Variants in STPG2 observed in about 807,000 individuals in gnomAD.
STPG2 encodes sperm-tail PG-rich repeat-containing protein 2.
In STPG2, 56 loss-of-function variants were observed where a neutral mutation model predicts 54.2. The ratio of observed to expected loss-of-function variants is 1.03; its 90% confidence interval spans 0.83 to 1.29. The LOEUF (loss-of-function observed/expected upper bound fraction) is 1.29. Among genes scored for constraint, STPG2 ranks in the 50% most tolerant of loss-of-function variants. The probability of loss-of-function intolerance (pLI) is 0.00; values close to 1 mark genes in which losing one functional copy is unlikely to be tolerated. For synonymous variants in STPG2, 200 were observed against 181.8 expected, an observed-to-expected ratio of 1.10 and a Z score of -0.81; for missense variants, 596 against 544.9, an observed-to-expected ratio of 1.09 and a Z score of -0.93.
Position 97,904,570 on chromosome 4 carries a change from G to A in STPG2, c.1044+39327C>T, listed in dbSNP as rs540938629. Reference sequence around the variant, plus strand: ...CCTGCCTCTCCTCCTCCAAAGGAACGCAGTTCCTCACCAGCAACGGAACAA... The same window carrying A: ...CCTGCCTCTCCTCCTCCAAAGGAACACAGTTCCTCACCAGCAACGGAACAA... On this transcript the variant is annotated intron_variant, in intron 8 of 10. Coordinates refer to ENST00000295268, the MANE Select transcript of STPG2 (RefSeq NM_174952.3). Among the ~76,000 whole-genome samples the A allele has an allele frequency of 1.5e-4, 23 of 152,340 alleles. No individual in the cohort carries two copies. The East Asian group carries it at 2.9e-3, about 19-fold the overall frequency.
chr4:97,653,799 T>C (rs1722140276), intron 10 of STPG2, among the ~76,000 whole-genome samples: 1 of 152,132 alleles, frequency 6.6e-6, no homozygotes, highest in South Asian at 2.1e-4. Context: ...GAGTAATTTA[T>C]GTGGGAGGTG....
intron 8 of STPG2, among the ~76,000 whole-genome samples, chr4:97,927,725 C>T (rs1732389838): frequency 6.6e-6 from 1 of 152,042 alleles, no homozygotes; most frequent in South Asian, 2.1e-4. Context: ...TGGATTGCCT[C>T]AGTTTGAATT....
Position 97,682,861 on chromosome 4 carries a change from G to T in STPG2, c.1320+29838C>A, listed in dbSNP as rs911031931. ...ATCATCCCTCTTAATTTTACAATAA[G>T]AAAATAAAAACTCAATTAGAAAAGA... On this transcript the variant is annotated intron_variant, in intron 10 of 10. Transcript: ENST00000295268. 2.6e-5 allele frequency among the ~76,000 whole-genome samples: 4 copies of T among 151,688 alleles called. No individual in the cohort carries two copies. The South Asian group carries it at 8.3e-4, about 31-fold the overall frequency.
chr4:97,861,370 G>C (rs1431207400), intron 8 of STPG2, among the ~76,000 whole-genome samples: 1 of 152,104 alleles, frequency 6.6e-6, no homozygotes, highest in Non-Finnish European at 1.5e-5. Flanking sequence ...GCAGAGAAAA[G>C]GGAGCCTTTG....
chr4:97,551,851 C>A (rs1178650301), intron 4 of STPG2, among the ~76,000 whole-genome samples: 4 of 152,144 alleles, frequency 2.6e-5, no homozygotes, highest in African/African-American at 2.4e-5. Context: ...GTACCTAGGA[C>A]TGGGGGGTGT....
At chr4:97,700,261 C>T (rs536307067) in intron 10 of STPG2, among the ~76,000 whole-genome samples, 1 of 152,310 alleles carries the variant, frequency 6.6e-6, no homozygotes, top group Admixed American at 6.5e-5. Context: ...GGCAGAGCAG[C>T]TTGTACAGTA....
intron 5 of STPG2, among the ~76,000 whole-genome samples, chr4:98,058,980 CAA>C (rs55750054): frequency 7.6e-6 from 1 of 131,172 alleles, no homozygotes. Flanking sequence ...TAGCAGAAGA[CAA>C]AAAAAAAAAA....
chr4:97,835,765 T>A (rs1728614011), intron 9 of STPG2, among the ~76,000 whole-genome samples: 1 of 152,094 alleles, frequency 6.6e-6, no homozygotes, highest in South Asian at 2.1e-4. Context: ...ACATTCATGA[T>A]TCATGGGAAG....
At chr4:97,640,999 T>TATATA (rs1183990181) in intron 10 of STPG2, among the ~76,000 whole-genome samples, 4 of 151,556 alleles carry the variant, frequency 2.6e-5, no homozygotes, top group Non-Finnish European at 5.9e-5. Flanking sequence ...TTATAATGAA[T>TATATA]ATATAATGTC....
rs898401797 is a variant in STPG2 at position 97,913,066 on chromosome 4, A to G, written c.1044+30831T>C. Among the ~76,000 whole-genome samples, 11 of 152,342 alleles carry G rather than the reference A, an allele frequency of 7.2e-5. 3 individuals are homozygous for G. The highest frequency in any genetic ancestry group is 6.5e-5 in the Admixed American group (1 of 15,296). On this transcript the variant is annotated intron_variant, in intron 8 of 10. Transcript: ENST00000295268. The stretch of plus-strand genomic sequence containing the variant: ...CAAGAATGCTAACAACATAATAGGT[A>G]TTTTATAATTGTGCTAAAATTCAGC...
At chr4:98,049,129 CT>C (rs1223797886) in intron 5 of STPG2, 10 of 152,106 alleles carry the variant, frequency 6.6e-5, no homozygotes, top group African/African-American at 1.9e-4. Flanking sequence ...AACAAAAAAA[CT>C]TAATTCCTTT....
At chr4:97,866,011 G>A (rs1458434846) in intron 8 of STPG2, among the ~76,000 whole-genome samples, 4 of 151,906 alleles carry the variant, frequency 2.6e-5, no homozygotes, top group Non-Finnish European at 5.9e-5. Flanking sequence ...AATATTGCAT[G>A]TTCTCCCTTA....
intron 2 of STPG2, among the ~76,000 whole-genome samples, chr4:98,131,990 C>T (rs1347240108): frequency 6.6e-6 from 1 of 152,054 alleles, no homozygotes; most frequent in East Asian, 1.9e-4. Flanking sequence ...CATTTAGCAA[C>T]TGTCACATTT....
chr4:97,789,043 G>A (rs1027260300), intron 9 of STPG2, among the ~76,000 whole-genome samples: 5 of 151,716 alleles, frequency 3.3e-5, no homozygotes, highest in Admixed American at 1.3e-4. Context: ...AAAAACTGAT[G>A]ATATGCAGAA....
At chr4:97,989,928 T>C (rs1372983219) in intron 5 of STPG2, among the ~76,000 whole-genome samples, 1 of 152,222 alleles carries the variant, frequency 6.6e-6, no homozygotes, top group Non-Finnish European at 1.5e-5. Context: ...TTTCAGACTG[T>C]GGTTCATCAC....
intron 4 of STPG2, among the ~76,000 whole-genome samples, chr4:97,542,720 G>A (rs748602965): frequency 9.2e-5 from 14 of 151,936 alleles, no homozygotes; most frequent in African/African-American, 2.4e-4. Context: ...GGAACGAACC[G>A]AAATGTCCAA....
downstream of STPG2, among the ~76,000 whole-genome samples, chr4:97,558,551 A>T (rs1210083528): frequency 6.6e-6 from 1 of 152,190 alleles, no homozygotes; most frequent in Admixed American, 6.5e-5. Context: ...CTATAGAGAG[A>T]TCCACATGGC....
intron 4 of STPG2, among the ~76,000 whole-genome samples, chr4:97,537,081 A>T (rs1578370394): frequency 6.6e-6 from 1 of 152,196 alleles, no homozygotes; most frequent in African/African-American, 2.4e-5. Flanking sequence ...AAGATGGCCA[A>T]ATAGGAATAG....
At chr4:97,473,368 C>A (rs1168259269) in intron 4 of STPG2, among the ~76,000 whole-genome samples, 2 of 152,106 alleles carry the variant, frequency 1.3e-5, no homozygotes, top group African/African-American at 2.4e-5. Context: ...GAGGGTAGGC[C>A]TCGAAAATGG....
Sources: gnomAD v4.1 joint callset for allele counts (sites outside exome capture counted in the v4.1 genomes callset) on GRCh38, gnomAD v4.1.1 for gene constraint, MANE v1.5 for transcripts, NCBI Gene and HGNC (gene_info 2026-07-23, HGNC 2026-07-21) for gene names.